The following GCN1 variants were observed in gnomAD, a reference collection of about 807,000 sequenced individuals.
GCN1 encodes the protein GCN1 activator of EIF2AK4.
Under a neutral mutation model 288.4 loss-of-function variants are expected in GCN1, and 90 were observed. That is an observed-to-expected ratio of 0.31 (90% CI 0.26 to 0.37). The LOEUF (loss-of-function observed/expected upper bound fraction) is 0.37, where lower values mean the gene tolerates loss of function less well. Among genes scored for constraint, GCN1 ranks in the 10% least tolerant of loss-of-function variants. The pLI is 1.00. For synonymous variants in GCN1, 1,386 were observed against 1,420.2 expected, an observed-to-expected ratio of 0.98 and a Z score of 0.54; for missense variants, 2,586 against 3,419.9, an observed-to-expected ratio of 0.76 and a Z score of 6.08.
In GCN1 at chr12:120,153,041, T is replaced by C. The variant is rs1319326343; in HGVS notation, c.4062+172A>G. Among the ~76,000 whole-genome samples, 1 of 151,884 alleles carries C rather than the reference T, an allele frequency of 6.6e-6. No homozygotes were observed. Among genetic ancestry groups the C allele is most frequent in the African/African-American group, 2.4e-5 (1 of 41,348 alleles). ...AACAAAGAAACTCCCTCTCCAGGAG[T>C]GTTCCTGACTATAAACCAGGCTCTC... On this transcript the variant is annotated intron_variant, in intron 33 of 57. Coordinates refer to ENST00000300648, the MANE Select transcript of GCN1 (RefSeq NM_006836.2). The surrounding 1 kb of genome is among the most constrained non-coding windows in gnomAD (Gnocchi z 4.4).
At position 120,142,815 on chromosome 12, in the gene GCN1, T is replaced by C. The variant is rs1877242197; in HGVS notation, c.5613+9A>G. 5.0e-6 allele frequency: 8 copies of C among 1,606,502 alleles called. No individual in the cohort carries two copies. The highest frequency in any genetic ancestry group is 6.8e-6 in the Non-Finnish European group (8 of 1,173,018). Reference sequence around the variant, plus strand: ...CCATCAGCAGGGGCAGGAAAGCCACTGCAGGCACCTTGTTGGACTGGGCAG... The same window carrying C: ...CCATCAGCAGGGGCAGGAAAGCCACCGCAGGCACCTTGTTGGACTGGGCAG... On this transcript the variant is annotated intron_variant, in intron 43 of 57. Coordinates refer to ENST00000300648, the MANE Select transcript of GCN1 (RefSeq NM_006836.2). This position sits in a 1 kb window ranked among gnomAD's most constrained non-coding sequence, Gnocchi z 4.9.
In GCN1 at chr12:120,188,460, C is replaced by A. The variant is rs372409886; in HGVS notation, c.121+1838G>T. ...CCAAAGAAAAAAAAAAAAAAAAAAC[C>A]TCTCCCAACTTATTTGATCTTGGAA... On this transcript the variant is annotated intron_variant, in intron 2 of 57. Transcript: ENST00000300648. Among the ~76,000 whole-genome samples the A allele has an allele frequency of 7.8e-3, 1,091 of 140,216 alleles. 11 individuals carry two copies. The highest frequency in any genetic ancestry group is 0.069 in the Middle Eastern group (16 of 232). The allele number at this position is 140,216 out of a possible 152,430, so 92.0% of individuals were successfully genotyped here.
rs1031357125 is a variant in GCN1, at chr12:120,148,282, G to C, written c.4611C>G (p.Pro1537=). The C allele has an allele frequency of 8.1e-6, 13 of 1,613,896 alleles. No homozygotes were observed. Among genetic ancestry groups the C allele is most frequent in the Non-Finnish European group, 1.1e-5 (13 of 1,179,908 alleles). The change falls in exon 37 of 58, where the codon CCC becomes CCG. Residue 1537 remains proline (P), a synonymous_variant. Transcript: ENST00000300648. ...CAPKQLSSCL[P]NIVPKLTEVL... is the part of the protein sequence containing the mutation. ...CCTCCGTAAGCTTGGGCACAATGTT[G>C]GGTAGACAGGATGACAGCTGCTTAG...
At chr12:120,132,279 A>C (rs1876852496) in intron 53 of GCN1, among the ~76,000 whole-genome samples, 1 of 150,694 alleles carries the variant, frequency 6.6e-6, no homozygotes, top group African/African-American at 2.4e-5. Flanking sequence ...TGCATATGGT[A>C]ATCATCCTTG....
chr12:120,155,207 C>A lies in GCN1; in HGVS notation c.3630+34G>T, dbSNP rs1013599648. 6.2e-7 allele frequency: 1 copy of A among 1,605,418 alleles called. No individual in the cohort carries two copies. The highest frequency in any genetic ancestry group is 1.3e-5 in the African/African-American group (1 of 74,746). On this transcript the variant is annotated intron_variant, in intron 30 of 57. Coordinates refer to ENST00000300648, the MANE Select transcript of GCN1 (RefSeq NM_006836.2). This position sits in a 1 kb window ranked among gnomAD's most constrained non-coding sequence, Gnocchi z 4.9. The stretch of plus-strand genomic sequence containing the variant: ...GCAGAGACCCACCCAACCGCACACA[C>A]CCAGACTGCATCAGGGCTGCACAGG...
chr12:120,155,173 GC>G lies in GCN1; in HGVS notation c.3630+67del. On this transcript the variant is annotated intron_variant, in intron 30 of 57. Coordinates refer to ENST00000300648, the MANE Select transcript of GCN1 (RefSeq NM_006836.2). The surrounding 1 kb of genome is among the most constrained non-coding windows in gnomAD (Gnocchi z 4.9). Reference sequence around the variant, plus strand: ...CCCGAGATTCCTGTCTGGAGCAGTAGCGGGGTGAGCAGAGACCCACCCAACC... The same window carrying G: ...CCCGAGATTCCTGTCTGGAGCAGTAGGGGGTGAGCAGAGACCCACCCAACC... The G allele has an allele frequency of 1.3e-6, 2 of 1,543,666 alleles. 1 individual carries two copies. The highest frequency in any genetic ancestry group is 2.2e-5 in the South Asian group (2 of 89,342).
intron 51 of GCN1, among the ~76,000 whole-genome samples, chr12:120,135,071 C>T (rs936830865): frequency 4.6e-5 from 7 of 152,216 alleles, no homozygotes; most frequent in African/African-American, 2.4e-5. Context: ...AATACATTAA[C>T]AAGCAGGGCA....
chr12:120,154,004 G>A (rs1461852702), intron 31 of GCN1, 95 bp from the exon 32 acceptor site: 2 of 1,057,274 alleles, frequency 1.9e-6, no homozygotes, highest in East Asian at 2.5e-5. Context: ...GAGGGAGCTT[G>A]CCTGAGGCAA....
chr12:120,176,989 C>A (rs939994225), intron 9 of GCN1, among the ~76,000 whole-genome samples: 2 of 152,196 alleles, frequency 1.3e-5, no homozygotes, highest in South Asian at 4.1e-4. Context: ...TGGTTTCAAA[C>A]TCCTGACCTC....
At position 120,151,379 on chromosome 12, in the gene GCN1, C is replaced by T. The variant is rs144487749; in HGVS notation, c.4075G>A (p.Val1359Ile). The T allele has an allele frequency of 5.6e-4, 905 of 1,613,492 alleles. 4 individuals carry two copies. The African/African-American group carries it at 6.5e-3, about 12-fold the overall frequency. Residue 1359 changes from valine to isoleucine, a missense_variant, in exon 34 of 58, where the codon GTA becomes ATA. Physicochemically the swap from Val to Ile is conservative, Grantham distance 29. Coordinates refer to ENST00000300648, the MANE Select transcript of GCN1 (RefSeq NM_006836.2). The stretch of plus-strand genomic sequence containing the variant: ...ACAAGGGGTGGCAAGCAGCTGGCTA[C>T]GGACTCCTGGACCTGGGGAAGGGCC... ...STPSQQVQES[V>I]ASCLPPLVPA...
rs1876807247 is a variant in GCN1 at position 120,131,203 on chromosome 12, G to A, written c.7545C>T (p.Ser2515=). 6.2e-7 allele frequency: 1 copy of A among 1,614,100 alleles called. No homozygotes were observed. The highest frequency in any genetic ancestry group is 1.1e-5 in the South Asian group (1 of 91,088). Residue 2515 remains serine (S), a synonymous_variant, in exon 55 of 58, where the codon AGC becomes AGT. Coordinates refer to ENST00000300648, the MANE Select transcript of GCN1 (RefSeq NM_006836.2). ...GCCTTACCCTGTCCGCCGTGGCACT[G>A]CTCAGGATCATTTCCTGAACATCAC... ...YSSDVQEMIL[S]SATADRIPIA... is the part of the protein sequence containing the mutation.
chr12:120,183,468 C>A, intron 5 of GCN1, 101 bp downstream of exon 5: 1 of 770,828 alleles, frequency 1.3e-6, no homozygotes. Context: ...TCTGGTCACC[C>A]AGCACCCAGA....
chr12:120,131,290 G>T lies in GCN1; in HGVS notation c.7458C>A (p.Ser2486Arg). ...GIDWMVRHGR[S>R]LALSVAVNVA... is the part of the protein sequence containing the mutation. ...CATTCACAGCCACGGAAAGTGCCAG[G>T]CTCCGCCCGTGCCGAACCATCCAGT... The change falls in exon 55 of 58, where the codon AGC (serine) becomes AGA (arginine). Residue 2486 changes from serine (S) to arginine (R), a missense_variant. This residue lies in a region of GCN1 where 355 missense variants were observed against 431.1 expected (regional missense o/e 0.82). Coordinates refer to ENST00000300648, the MANE Select transcript of GCN1 (RefSeq NM_006836.2). The T allele has an allele frequency of 6.2e-7, 1 of 1,614,028 alleles. No homozygotes were observed. The highest frequency in any genetic ancestry group is 8.5e-7 in the Non-Finnish European group (1 of 1,179,974).
intron 14 of GCN1, among the ~76,000 whole-genome samples, chr12:120,171,670 TTTATA>T (rs1253317070): frequency 2.6e-5 from 4 of 152,300 alleles, no homozygotes; most frequent in East Asian, 1.9e-4. Context: ...AAAGGTTTAT[TTTATA>T]TTATGTTTAT....
rs1019789507 is a variant in GCN1, at chr12:120,175,808, C to T, written c.980G>A (p.Arg327His). Residue 327 changes from arginine (R) to histidine (H), a missense_variant, in exon 11 of 58, where the codon CGC (arginine) becomes CAC (histidine). Physicochemically the swap from Arg to His is conservative, Grantham distance 29 (BLOSUM62 0). Coordinates refer to ENST00000300648, the MANE Select transcript of GCN1 (RefSeq NM_006836.2). ...EAVLALRNLA[R>H]QCSDSSAMES... The stretch of plus-strand genomic sequence containing the variant: ...CATGGCCGAAGAGTCACTGCACTGG[C>T]GTGCCAGGTTCCGCAGTGCCAGCAC... 6.2e-6 allele frequency: 10 copies of T among 1,613,216 alleles called. No individual in the cohort carries two copies. The highest frequency in any genetic ancestry group is 2.7e-5 in the African/African-American group (2 of 74,902).
intron 21 of GCN1, 119 bp from the exon 22 acceptor site, chr12:120,161,702 T>C: frequency 1.1e-6 from 1 of 906,454 alleles, no homozygotes; most frequent in Admixed American, 2.0e-5. Context: ...CAGTGCCGGA[T>C]ACTGGACACA....
chr12:120,136,378 ACCTC>A (rs1877004019), intron 51 of GCN1, 120 bp downstream of exon 51: 1 of 711,494 alleles, frequency 1.4e-6, no homozygotes, highest in African/African-American at 1.8e-5. Flanking sequence ...CCAAGGTCTT[ACCTC>A]CCTCTGCTAT....
At chr12:120,169,276 CAAAAAAAAAAAAAAAAAA>C (rs35819206) in intron 15 of GCN1, among the ~76,000 whole-genome samples, 32 of 66,646 alleles carry the variant, frequency 4.8e-4, no homozygotes, top group East Asian at 3.8e-3. Flanking sequence ...AACTCCGTCT[CAAAAAAAAAAAAAAAAAA>C]AGAAAAAAAA....
In GCN1 at chr12:120,157,682, C is replaced by G. The variant is rs539607011; in HGVS notation, c.3087+167G>C. ...CAATCACATGAAAGAAGCAGTCTGA[C>G]CCGTTTTTGCCTTAAAAAACCCACA... On this transcript the variant is annotated intron_variant, in intron 26 of 57. Transcript: ENST00000300648. Among the ~76,000 whole-genome samples the G allele has an allele frequency of 2.6e-5, 4 of 152,348 alleles. No homozygotes were observed. The East Asian group carries it at 5.8e-4, about 22-fold the overall frequency.
Sources: allele counts gnomAD v4.1 joint callset (sites outside exome capture counted in the v4.1 genomes callset), GRCh38; gene constraint gnomAD v4.1.1; regional missense constraint gnomAD v4.1.1; non-coding constraint Gnocchi (gnomAD v3.1); transcripts MANE v1.5; gene names NCBI Gene and HGNC (gene_info 2026-07-23, HGNC 2026-07-21).